SEC63: variants seen among roughly 807,000 people sequenced by gnomAD.
SEC63 encodes the protein translocation protein SEC63 homolog.
Under a neutral mutation model 116.2 loss-of-function variants are expected in SEC63, and 56 were observed. The observed-to-expected ratio is 0.48, with a 90% CI of 0.39 to 0.60. The LOEUF is 0.60. Ranked by LOEUF, SEC63 falls within the 20% of genes least tolerant of loss-of-function variation. The pLI is 0.00. For missense variants in SEC63, 668 were observed against 900.0 expected (o/e 0.74, Z 3.30); for synonymous variants, 273 against 294.6 (o/e 0.93, Z 0.75).
rs1216327214 is a variant in SEC63 at position 107,911,034 on chromosome 6, G to A, written c.624+312C>T. On this transcript the variant is annotated intron_variant, in intron 7 of 20. Transcript: ENST00000369002. ...TCAGTTGTGGGTAATTTTTGAATTG[G>A]GAGGATATACACATCATGCTCAAGT... 1.5e-4 allele frequency: 42 copies of A among 278,520 alleles called. 1 individual carries two copies. In the Admixed American group the frequency reaches 2.1e-3, roughly 14 times the overall value. The allele number at this position is 278,520 out of a possible 1,614,324, so 17.3% of individuals were successfully genotyped here. A position where few individuals can be genotyped will look rare whatever the true frequency, so the allele number is the denominator to read the frequency against.
At chr6:107,921,453 C>CTT (rs34843868) in intron 4 of SEC63, among the ~76,000 whole-genome samples, 1 of 145,416 alleles carries the variant, frequency 6.9e-6, no homozygotes, top group Non-Finnish European at 1.5e-5. Flanking sequence ...GAAAACTATC[C>CTT]TTTTTTTTTT....
At chr6:107,932,924 T>A (rs1243389762) in intron 1 of SEC63, among the ~76,000 whole-genome samples, 2 of 151,616 alleles carry the variant, frequency 1.3e-5, no homozygotes, top group Non-Finnish European at 2.9e-5. Flanking sequence ...TGAATAACTG[T>A]CCCCCAAGAT....
chr6:107,943,193 T>C (rs1770413273), intron 1 of SEC63, among the ~76,000 whole-genome samples: 1 of 152,224 alleles, frequency 6.6e-6, no homozygotes, highest in Non-Finnish European at 1.5e-5. Flanking sequence ...GCAAAGAAGA[T>C]GGCTATAAAA....
At chr6:107,879,983 A>G (rs1786374007) in intron 18 of SEC63, among the ~76,000 whole-genome samples, 1 of 152,194 alleles carries the variant, frequency 6.6e-6, no homozygotes, top group Non-Finnish European at 1.5e-5. Flanking sequence ...GGTACACACT[A>G]GGCAGCTTTG....
At chr6:107,901,292 T>G in intron 13 of SEC63, 78 bp downstream of exon 13, 64 of 1,383,900 alleles carry the variant, frequency 4.6e-5, no homozygotes, top group Non-Finnish European at 6.1e-5. Flanking sequence ...TACAGTGTTT[T>G]GAGAATCCTG....
At position 107,883,054 on chromosome 6, in the gene SEC63, T is replaced by C. The variant is rs200626178; in HGVS notation, c.1767A>G (p.Lys589=). 21 of 1,613,228 alleles carry C rather than the reference T, an allele frequency of 1.3e-5. No homozygotes were observed. The highest frequency in any genetic ancestry group is 1.8e-5 in the Non-Finnish European group (21 of 1,179,738). The change falls in exon 17 of 21, where the codon AAA becomes AAG. Residue 589 remains lysine, a synonymous_variant. Transcript: ENST00000369002. ...CAGAGTCTCTGTCACTACCATCATC[T>C]TTCTCACTTTGGGAATCTCTATTGG... is the stretch of plus-strand genomic sequence containing the variant. The part of the protein sequence containing the change: ...EETNRDSQSE[K]DDGSDRDSDR...
intron 16 of SEC63, among the ~76,000 whole-genome samples, chr6:107,889,244 T>C (rs1289354425): frequency 6.6e-6 from 1 of 152,134 alleles, no homozygotes; most frequent in East Asian, 1.9e-4. Flanking sequence ...GTTGGTAGGG[T>C]ATTAATTGCT....
chr6:107,921,894 C>A lies in SEC63; in HGVS notation c.355G>T (p.Glu119Ter). 1 of 1,585,510 alleles carries A rather than the reference C, an allele frequency of 6.3e-7. No individual in the cohort carries two copies. The highest frequency in any genetic ancestry group is 8.6e-7 in the Non-Finnish European group (1 of 1,164,264). Residue 119 changes from glutamate (E) to a stop codon, truncating the protein, a stop_gained, in exon 4 of 21, where the codon GAA becomes TAA. Coordinates refer to ENST00000369002, the MANE Select transcript of SEC63 (RefSeq NM_007214.5). LOFTEE classifies it high-confidence loss of function. Reference protein sequence around the residue: ...LNLDPGATVAEIKKQYRLLSL... With the variant: ...LNLDPGATVA ...AGCAAACGATATTGTTTTTTAATTT[C>A]TGCTACTGTGGCTCCCTGGGGAAAA... is the stretch of plus-strand genomic sequence containing the variant.
intron 1 of SEC63, among the ~76,000 whole-genome samples, chr6:107,932,965 T>C (rs982024572): frequency 2.0e-5 from 3 of 152,020 alleles, no homozygotes; most frequent in Non-Finnish European, 2.9e-5. Flanking sequence ...AACCAGTAAA[T>C]ATACTATCTC....
chr6:107,899,544 C>T (rs1474893941), intron 13 of SEC63, among the ~76,000 whole-genome samples: 2 of 151,890 alleles, frequency 1.3e-5, no homozygotes, highest in Admixed American at 6.6e-5. Context: ...GGTGAAACTC[C>T]GTCTCTACTA....
intron 3 of SEC63, among the ~76,000 whole-genome samples, chr6:107,923,202 G>C (rs1787597527): frequency 6.6e-6 from 1 of 151,986 alleles, no homozygotes; most frequent in African/African-American, 2.4e-5. Context: ...GGAGTGCAGT[G>C]GTGCAATCAC....
At chr6:107,957,698 TG>T in intron 1 of SEC63, 187 bp downstream of exon 1, 2 of 437,372 alleles carry the variant, frequency 4.6e-6, no homozygotes, top group Non-Finnish European at 7.4e-6. Flanking sequence ...TGAAGGGAGG[TG>T]GAGAAGCGCC....
chr6:107,942,524 A>AG (rs1205078435), intron 1 of SEC63, among the ~76,000 whole-genome samples: 1 of 152,200 alleles, frequency 6.6e-6, no homozygotes, highest in Non-Finnish European at 1.5e-5. Flanking sequence ...CTGAGGATAT[A>AG]GAAAAAAAAC....
intron 18 of SEC63, among the ~76,000 whole-genome samples, chr6:107,878,138 A>G (rs1264176697): frequency 6.6e-6 from 1 of 152,226 alleles, no homozygotes; most frequent in Non-Finnish European, 1.5e-5. Flanking sequence ...ATAAAGCCTC[A>G]TTTACAAAAA....
intron 4 of SEC63, 47 bp from the exon 5 acceptor site, chr6:107,913,474 A>G (rs781782220): frequency 1.7e-5 from 23 of 1,353,520 alleles, no homozygotes; most frequent in Non-Finnish European, 2.3e-5. Flanking sequence ...CCACATCTGA[A>G]AAACAAGTAC....
At chr6:107,876,503 G>A (rs1388939015) in intron 19 of SEC63, 61 bp downstream of exon 19, 12 of 964,504 alleles carry the variant, frequency 1.2e-5, no homozygotes, top group Non-Finnish European at 1.7e-5. Flanking sequence ...GATATATGAA[G>A]CAGCATGATG....
At position 107,940,165 on chromosome 6, in the gene SEC63, A is replaced by G. The variant is rs138055995; in HGVS notation, c.125-10651T>C. On this transcript the variant is annotated intron_variant, in intron 1 of 20. Coordinates refer to ENST00000369002, the MANE Select transcript of SEC63 (RefSeq NM_007214.5). The stretch of plus-strand genomic sequence containing the variant: ...GAGGAGGGAACCTAGAAGGCAACTG[A>G]AAATGTTCTTGAACTAAAAAAAAAA... 2.4e-3 allele frequency among the ~76,000 whole-genome samples: 372 copies of G among 151,854 alleles called. 1 individual carries two copies. The highest frequency in any genetic ancestry group is 8.3e-3 in the African/African-American group (343 of 41,150).
At chr6:107,911,482 G>C in intron 6 of SEC63, 86 bp from the exon 7 acceptor site, 1 of 863,938 alleles carries the variant, frequency 1.2e-6, no homozygotes, top group South Asian at 1.4e-5. Flanking sequence ...TTACAATGGG[G>C]GAGCCACTAT....
At chr6:107,903,073 A>C in intron 11 of SEC63, 75 bp from the exon 12 acceptor site, 1 of 1,437,760 alleles carries the variant, frequency 7.0e-7, no homozygotes, top group Non-Finnish European at 9.7e-7. Flanking sequence ...CATCACAAAA[A>C]CAAAATTCAC....
Sources: allele counts gnomAD v4.1 joint callset (sites outside exome capture counted in the v4.1 genomes callset), GRCh38; gene constraint gnomAD v4.1.1; transcripts MANE v1.5; gene names NCBI Gene and HGNC (gene_info 2026-07-23, HGNC 2026-07-21).